Variants in HPSE2 observed in about 807,000 individuals in gnomAD.
HPSE2 encodes the protein inactive heparanase-2.
A neutral mutation model predicts 60.5 loss-of-function variants in HPSE2; 38 were observed. That is an observed-to-expected ratio of 0.63 (90% CI 0.48 to 0.82). The LOEUF (loss-of-function observed/expected upper bound fraction) is 0.82, where lower values mean the gene tolerates loss of function less well. HPSE2 is among the 40% of genes least tolerant of loss of function. HPSE2 has a pLI of 0.00. For missense variants in HPSE2, 713 were observed against 740.4 expected, an observed-to-expected ratio of 0.96 and a Z score of 0.43; for synonymous variants, 295 against 293.2, an observed-to-expected ratio of 1.01 and a Z score of -0.06.
At chr10:98,828,968 T>C (rs1055082604) in intron 3 of HPSE2, among the ~76,000 whole-genome samples, 30 of 72,050 alleles carry the variant, frequency 4.2e-4, no homozygotes, top group Non-Finnish European at 7.8e-4. Flanking sequence ...CATAGGCAGA[T>C]GAATGAATTA....
At chr10:99,310,878 C>T in the HPSE2 span, among the ~76,000 whole-genome samples, 1 of 152,160 alleles carries the variant, frequency 6.6e-6, no homozygotes, top group Non-Finnish European at 1.5e-5. Context: ...ATCTGTCTGC[C>T]TCGGCCTCCC....
chr10:98,826,458 A>C (rs1380870778), intron 3 of HPSE2, among the ~76,000 whole-genome samples: 1 of 152,208 alleles, frequency 6.6e-6, no homozygotes, highest in African/African-American at 2.4e-5. Flanking sequence ...AAATTCTTTG[A>C]CACTATTTTC....
At chr10:99,300,805 T>C in the HPSE2 span, among the ~76,000 whole-genome samples, 2 of 152,226 alleles carry the variant, frequency 1.3e-5, no homozygotes, top group African/African-American at 4.8e-5. Flanking sequence ...CCAGTTGAGG[T>C]TGTTTTAAAA....
chr10:98,584,695 A>C (rs1260185844), intron 9 of HPSE2, among the ~76,000 whole-genome samples: 1 of 152,212 alleles, frequency 6.6e-6, no homozygotes, highest in Non-Finnish European at 1.5e-5. Context: ...TAAATATTCT[A>C]ACTTTGCCTT....
intron 3 of HPSE2, among the ~76,000 whole-genome samples, chr10:99,075,163 A>G (rs1842917118): frequency 6.6e-6 from 1 of 152,128 alleles, no homozygotes; most frequent in African/African-American, 2.4e-5. Context: ...ACAGACATTT[A>G]TCACTATCAA....
intron 3 of HPSE2, among the ~76,000 whole-genome samples, chr10:98,856,158 C>T (rs562810121): frequency 1.3e-5 from 2 of 152,228 alleles, no homozygotes; most frequent in South Asian, 4.2e-4. Context: ...CTCTACTGTC[C>T]TACACATAAT....
At chr10:98,576,828 C>T (rs1944653542) in intron 9 of HPSE2, among the ~76,000 whole-genome samples, 1 of 151,552 alleles carries the variant, frequency 6.6e-6, no homozygotes, top group Non-Finnish European at 1.5e-5. Flanking sequence ...ATTGGATTTT[C>T]AATTGCTAAT....
At chr10:98,906,491 G>A (rs753828390) in intron 3 of HPSE2, among the ~76,000 whole-genome samples, 1 of 152,150 alleles carries the variant, frequency 6.6e-6, no homozygotes, top group Non-Finnish European at 1.5e-5. Flanking sequence ...GAACATTAGA[G>A]GAAAGGTTAA....
chr10:98,584,324 A>T (rs1944882941), intron 9 of HPSE2, among the ~76,000 whole-genome samples: 1 of 152,240 alleles, frequency 6.6e-6, no homozygotes, highest in Non-Finnish European at 1.5e-5. Context: ...GTGTAAGGGC[A>T]GAAATAAGAA....
chr10:98,739,714 T>C (rs1162370107), intron 4 of HPSE2, among the ~76,000 whole-genome samples: 1 of 152,120 alleles, frequency 6.6e-6, no homozygotes, highest in African/African-American at 2.4e-5. Context: ...ATAGGTCAGG[T>C]TATGGGTATG....
chr10:98,916,187 T>C (rs74519452), intron 3 of HPSE2, among the ~76,000 whole-genome samples: 1 of 152,210 alleles, frequency 6.6e-6, no homozygotes, highest in Non-Finnish European at 1.5e-5. Context: ...ATGGTGTTCT[T>C]TGAAGATTAA....
At chr10:98,833,619 G>A (rs1278618323) in intron 3 of HPSE2, among the ~76,000 whole-genome samples, 3 of 151,950 alleles carry the variant, frequency 2.0e-5, no homozygotes, top group African/African-American at 7.2e-5. Flanking sequence ...TTTACCAATG[G>A]GGAAACTGAG....
chr10:98,825,901 G>A (rs1306629953), intron 3 of HPSE2, among the ~76,000 whole-genome samples: 3 of 152,182 alleles, frequency 2.0e-5, no homozygotes, highest in Non-Finnish European at 2.9e-5. Context: ...TATGAGAGGA[G>A]AAAGATGGAC....
At chr10:98,821,115 ACAT>A (rs1246210281) in intron 3 of HPSE2, among the ~76,000 whole-genome samples, 12 of 152,352 alleles carry the variant, frequency 7.9e-5, no homozygotes, top group Middle Eastern at 3.4e-3. Context: ...GTTTACTGAC[ACAT>A]CATAAATGAC....
chr10:98,608,394 G>A (rs554127723), intron 9 of HPSE2, among the ~76,000 whole-genome samples: 4 of 152,276 alleles, frequency 2.6e-5, no homozygotes, highest in East Asian at 1.9e-4. Flanking sequence ...TGTTGTTGCC[G>A]ACATCCTGTG....
chr10:98,756,367 A>G (rs1347941446), intron 3 of HPSE2, among the ~76,000 whole-genome samples: 1 of 152,138 alleles, frequency 6.6e-6, no homozygotes, highest in Non-Finnish European at 1.5e-5. Flanking sequence ...ACCATACAAA[A>G]TATCAATAAA....
At chr10:99,001,872 A>T (rs575874787) in intron 3 of HPSE2, among the ~76,000 whole-genome samples, 6 of 150,910 alleles carry the variant, frequency 4.0e-5, no homozygotes, top group African/African-American at 9.7e-5. Context: ...GAGTCAGCAA[A>T]TTTTTTTTTT....
intron 9 of HPSE2, among the ~76,000 whole-genome samples, chr10:98,600,403 T>A (rs1268758571): frequency 6.6e-6 from 1 of 152,194 alleles, no homozygotes; most frequent in Non-Finnish European, 1.5e-5. Flanking sequence ...GAGTTTTGTT[T>A]AATGGAGATG....
intron 5 of HPSE2, among the ~76,000 whole-genome samples, chr10:98,697,986 A>G (rs1219878013): frequency 6.7e-6 from 1 of 149,530 alleles, no homozygotes. Flanking sequence ...CCAGATTCAT[A>G]AAGCAAGTCC....
Sources: gnomAD v4.1 joint callset for allele counts (sites outside exome capture counted in the v4.1 genomes callset) on GRCh38, gnomAD v4.1.1 for gene constraint, MANE v1.5 for transcripts, NCBI Gene and HGNC (gene_info 2026-07-23, HGNC 2026-07-21) for gene names.